The following TMOD1 variants were observed in gnomAD, a reference collection of about 807,000 sequenced individuals.
TMOD1 encodes tropomodulin-1.
Under a neutral mutation model 40.6 loss-of-function variants are expected in TMOD1, and 17 were observed. The observed-to-expected ratio is 0.42, with a 90% CI of 0.29 to 0.63. The LOEUF (loss-of-function observed/expected upper bound fraction) is 0.63, where lower values mean the gene tolerates loss of function less well. Ranked by LOEUF, TMOD1 falls within the 20% of genes least tolerant of loss-of-function variation. TMOD1 has a pLI of 0.22. For missense variants in TMOD1, 391 were observed against 447.6 expected (o/e 0.87, Z 1.14); for synonymous variants, 181 against 175.0 (o/e 1.03, Z -0.27).
intron 1 of TMOD1, among the ~76,000 whole-genome samples, chr9:97,506,238 C>T (rs796148424): frequency 2.6e-5 from 4 of 152,284 alleles, no homozygotes; most frequent in African/African-American, 9.6e-5. Flanking sequence ...CTCAGAGCAC[C>T]AGCCAGAGTG....
intron 1 of TMOD1, among the ~76,000 whole-genome samples, chr9:97,508,663 C>T (rs933251016): frequency 6.6e-6 from 1 of 152,248 alleles, no homozygotes; most frequent in African/African-American, 2.4e-5. Flanking sequence ...GTACTGATGG[C>T]CTGCCTGGAT....
intron 9 of TMOD1, among the ~76,000 whole-genome samples, chr9:97,598,566 T>C (rs890404365): frequency 4.6e-5 from 7 of 152,216 alleles, no homozygotes; most frequent in Non-Finnish European, 1.0e-4. Context: ...TTGGTCACGT[T>C]GAGCAAACCT....
chr9:97,511,070 G>GCA (rs1301741475), intron 1 of TMOD1, among the ~76,000 whole-genome samples: 3 of 147,218 alleles, frequency 2.0e-5, no homozygotes, highest in South Asian at 2.2e-4. Context: ...ACCCGCGCGC[G>GCA]CACACACACA....
intron 5 of TMOD1, 121 bp from the exon 6 acceptor site, chr9:97,563,917 T>G: frequency 2.9e-4 from 195 of 675,238 alleles, no homozygotes; most frequent in Non-Finnish European, 3.9e-4. Flanking sequence ...ACCCAGCCCC[T>G]GTGATGTGCA....
chr9:97,574,251 C>A (rs1392757773), intron 8 of TMOD1, among the ~76,000 whole-genome samples: 2 of 151,890 alleles, frequency 1.3e-5, no homozygotes, highest in Non-Finnish European at 2.9e-5. Context: ...GGGCTGTGCG[C>A]GGCGCTTGCG....
At chr9:97,550,726 C>T (rs1379194237) in intron 3 of TMOD1, among the ~76,000 whole-genome samples, 2 of 151,752 alleles carry the variant, frequency 1.3e-5, no homozygotes. Context: ...GTTGTTTTTC[C>T]TTTTGTTGTT....
chr9:97,546,686 T>G (rs1830364640), intron 3 of TMOD1, among the ~76,000 whole-genome samples: 1 of 152,146 alleles, frequency 6.6e-6, no homozygotes, highest in Non-Finnish European at 1.5e-5. Context: ...ATCAGGACTT[T>G]GGGAGACCGA....
intron 2 of TMOD1, among the ~76,000 whole-genome samples, chr9:97,527,979 T>C (rs777367511): frequency 6.6e-6 from 1 of 151,534 alleles, no homozygotes; most frequent in Non-Finnish European, 1.5e-5. Context: ...GACCTGGGAG[T>C]GGAGGGGGAC....
At chr9:97,582,069 C>T (rs1461997509) in intron 8 of TMOD1, among the ~76,000 whole-genome samples, 1 of 152,170 alleles carries the variant, frequency 6.6e-6, no homozygotes, top group African/African-American at 2.4e-5. Context: ...GATGTCCTTG[C>T]CCATGCCTAT....
chr9:97,589,446 ATT>A (rs748190964), intron 8 of TMOD1, among the ~76,000 whole-genome samples: 11 of 133,078 alleles, frequency 8.3e-5, no homozygotes, highest in East Asian at 2.2e-4. Context: ...TACTTTTTGT[ATT>A]TTTTTTTTTT....
At chr9:97,560,682 T>TA (rs1422042381) in intron 4 of TMOD1, among the ~76,000 whole-genome samples, 1 of 147,868 alleles carries the variant, frequency 6.8e-6, no homozygotes, top group East Asian at 2.0e-4. Context: ...TATATATATA[T>TA]ATAAAGTATT....
At chr9:97,591,818 G>T (rs1826007974) in intron 9 of TMOD1, among the ~76,000 whole-genome samples, 1 of 152,094 alleles carries the variant, frequency 6.6e-6, no homozygotes, top group Non-Finnish European at 1.5e-5. Context: ...TCTAGATTTA[G>T]CCCCAAATCC....
rs1829518376 is a variant in TMOD1 at position 97,502,455 on chromosome 9, G to A, written c.-49+652G>A. Among the ~76,000 whole-genome samples the A allele has an allele frequency of 6.6e-6, 1 of 152,232 alleles. No homozygotes were observed. Among genetic ancestry groups the A allele is most frequent in the African/African-American group, 2.4e-5 (1 of 41,472 alleles). On this transcript the variant is annotated intron_variant, in intron 1 of 9. Transcript: ENST00000259365. This position sits in a 1 kb window ranked among gnomAD's most constrained non-coding sequence, Gnocchi z 6.1. ...AGGCGGGAGCCCCAGGTTGTCGCCG[G>A]CTCTCGGCATGGCCTTGGCAATCCC...
At chr9:97,559,747 A>G (rs958923374) in intron 4 of TMOD1, among the ~76,000 whole-genome samples, 2 of 140,228 alleles carry the variant, frequency 1.4e-5, no homozygotes, top group African/African-American at 5.4e-5. Context: ...CCTGTGCCAC[A>G]GAGCGAGACT....
chr9:97,594,086 G>T (rs1370281560), intron 9 of TMOD1, among the ~76,000 whole-genome samples: 1 of 152,170 alleles, frequency 6.6e-6, no homozygotes, highest in Admixed American at 6.5e-5. Flanking sequence ...ATGGAAGCAG[G>T]TGGGAAGCAG....
intron 9 of TMOD1, among the ~76,000 whole-genome samples, chr9:97,597,617 G>T (rs923345537): frequency 1.3e-5 from 2 of 150,320 alleles, no homozygotes; most frequent in Non-Finnish European, 3.0e-5. Context: ...ACAATTGCTT[G>T]AACTCGGGAG....
chr9:97,559,292 C>G (rs983166318), intron 4 of TMOD1, among the ~76,000 whole-genome samples: 3 of 152,078 alleles, frequency 2.0e-5, no homozygotes, highest in Admixed American at 2.0e-4. Context: ...TTAAAACCCA[C>G]GAGAGCTTGA....
chr9:97,553,166 A>G (rs1830478377), intron 3 of TMOD1, 115 bp from the exon 4 acceptor site: 1 of 1,477,044 alleles, frequency 6.8e-7, no homozygotes, highest in Non-Finnish European at 9.2e-7. Flanking sequence ...ACCTGAAGGG[A>G]CTCTCAGCAT....
chr9:97,507,287 AAG>A (rs1314763037), intron 1 of TMOD1, among the ~76,000 whole-genome samples: 2 of 152,212 alleles, frequency 1.3e-5, no homozygotes, highest in Non-Finnish European at 2.9e-5. Flanking sequence ...AAGTGAAGGT[AAG>A]AGAGAGGGAG....
Sources: gnomAD v4.1 joint callset for allele counts (sites outside exome capture counted in the v4.1 genomes callset) on GRCh38, gnomAD v4.1.1 for gene constraint, Gnocchi (gnomAD v3.1) non-coding constraint, MANE v1.5 for transcripts, NCBI Gene and HGNC (gene_info 2026-07-23, HGNC 2026-07-21) for gene names.